Variants in PDE4D observed in about 807,000 individuals in gnomAD.
The protein encoded by PDE4D is 3',5'-cyclic-AMP phosphodiesterase 4D.
In PDE4D, 24 loss-of-function variants were observed where a neutral mutation model predicts 87.4. The ratio of observed to expected loss-of-function variants is 0.27; its 90% CI spans 0.20 to 0.39. The LOEUF (loss-of-function observed/expected upper bound fraction) is 0.39. Ranked by LOEUF, PDE4D falls within the 10% of genes least tolerant of loss-of-function variation. PDE4D has a pLI of 1.00. For missense variants in PDE4D, 714 were observed against 1,041.0 expected (o/e 0.69, Z 4.32); for synonymous variants, 384 against 383.2 (o/e 1.00, Z -0.02).
chr5:59,258,135 A>G (rs541543176), intron 1 of PDE4D, among the ~76,000 whole-genome samples: 4 of 152,112 alleles, frequency 2.6e-5, no homozygotes, highest in African/African-American at 9.6e-5. Flanking sequence ...TCTGCTGGAT[A>G]TTCAAGACCT....
intron 3 of PDE4D, among the ~76,000 whole-genome samples, chr5:59,954,659 G>A (rs1758648466): frequency 6.6e-6 from 1 of 152,260 alleles, no homozygotes; most frequent in Admixed American, 6.5e-5. Flanking sequence ...TGCCCTGAAG[G>A]TTTCCCTTCT....
At chr5:60,384,813 T>C (rs1175805531) in intron 1 of PDE4D, among the ~76,000 whole-genome samples, 3 of 152,086 alleles carry the variant, frequency 2.0e-5, no homozygotes, top group Non-Finnish European at 4.4e-5. Context: ...CTAGTCCTCT[T>C]CCCCAATGCC....
At chr5:60,199,883 G>A (rs1456928956) in intron 1 of PDE4D, among the ~76,000 whole-genome samples, 1 of 151,724 alleles carries the variant, frequency 6.6e-6, no homozygotes. Flanking sequence ...TTCCCAGCAA[G>A]AGTTGGGTGC....
chr5:59,468,945 C>G (rs953066006), intron 1 of PDE4D, among the ~76,000 whole-genome samples: 1 of 152,162 alleles, frequency 6.6e-6, no homozygotes, highest in Admixed American at 6.6e-5. Context: ...GTCTTCCTAA[C>G]TATGAGGCCT....
chr5:59,471,189 G>A (rs986696572), intron 1 of PDE4D, among the ~76,000 whole-genome samples: 3 of 152,178 alleles, frequency 2.0e-5, no homozygotes, highest in East Asian at 3.8e-4. Flanking sequence ...AGGCTACAGT[G>A]AGCCATGATC....
At chr5:60,095,652 A>G (rs1775603297) in intron 2 of PDE4D, among the ~76,000 whole-genome samples, 2 of 152,052 alleles carry the variant, frequency 1.3e-5, no homozygotes, top group Non-Finnish European at 2.9e-5. Flanking sequence ...GAATCTGTCT[A>G]TCTACAAGTT....
At chr5:59,210,365 T>C (rs533801788) in intron 2 of PDE4D, among the ~76,000 whole-genome samples, 1 of 152,308 alleles carries the variant, frequency 6.6e-6, no homozygotes, top group African/African-American at 2.4e-5. Context: ...CTGGAAGCAA[T>C]ACTACTCTTA....
chr5:59,724,133 G>T (rs1477406147), intron 1 of PDE4D, among the ~76,000 whole-genome samples: 1 of 152,028 alleles, frequency 6.6e-6, no homozygotes, highest in African/African-American at 2.4e-5. Flanking sequence ...GTCAGGTGTT[G>T]GTTGAGGTTC....
At chr5:60,100,054 A>G (rs951935006) in intron 2 of PDE4D, among the ~76,000 whole-genome samples, 6 of 152,064 alleles carry the variant, frequency 3.9e-5, no homozygotes, top group Admixed American at 3.9e-4. Context: ...ATAGTGGAAT[A>G]TTATGCAGTT....
At chr5:59,698,344 T>G (rs1170655998) in intron 1 of PDE4D, among the ~76,000 whole-genome samples, 2 of 152,040 alleles carry the variant, frequency 1.3e-5, no homozygotes, top group Non-Finnish European at 2.9e-5. Flanking sequence ...GCAGATCACA[T>G]AGTAATCATC....
intron 1 of PDE4D, among the ~76,000 whole-genome samples, chr5:59,752,716 A>T (rs1302889698): frequency 6.6e-6 from 1 of 152,164 alleles, no homozygotes; most frequent in African/African-American, 2.4e-5. Context: ...TACAATGCAC[A>T]GGAGAGCCCC....
intron 5 of PDE4D, among the ~76,000 whole-genome samples, chr5:59,132,739 G>A (rs947507375): frequency 1.3e-5 from 2 of 152,162 alleles, no homozygotes; most frequent in African/African-American, 4.8e-5. Context: ...ACTTGATTGT[G>A]GGAAGTAGCA....
At chr5:60,283,720 G>T (rs1339940917) in intron 1 of PDE4D, among the ~76,000 whole-genome samples, 1 of 152,104 alleles carries the variant, frequency 6.6e-6, no homozygotes, top group Non-Finnish European at 1.5e-5. Context: ...AAAAAATTGA[G>T]TTGATTGTTC....
chr5:59,857,129 C>T (rs1202777469), intron 1 of PDE4D, among the ~76,000 whole-genome samples: 2 of 151,494 alleles, frequency 1.3e-5, no homozygotes, highest in Non-Finnish European at 3.0e-5. Flanking sequence ...CAGCAATCAG[C>T]CGAGAGCCTA....
intron 1 of PDE4D, among the ~76,000 whole-genome samples, chr5:60,317,785 T>C (rs1308930150): frequency 6.6e-6 from 1 of 152,270 alleles, no homozygotes. Flanking sequence ...AGTTTCCATG[T>C]AGTTGTGCAG....
intron 1 of PDE4D, among the ~76,000 whole-genome samples, chr5:60,497,943 C>T (rs1749894576): frequency 6.6e-6 from 1 of 152,130 alleles, no homozygotes; most frequent in Non-Finnish European, 1.5e-5. Context: ...CAAGAAGGAA[C>T]ACTGGTTAAG....
intron 2 of PDE4D, chr5:60,032,967 T>C (rs1022143786): frequency 2.0e-5 from 3 of 152,180 alleles, no homozygotes; most frequent in Non-Finnish European, 4.4e-5. Flanking sequence ...ACGGCATCAT[T>C]CTGTGGACAA....
intron 11 of PDE4D, among the ~76,000 whole-genome samples, chr5:58,981,366 A>G (rs1344146624): frequency 2.0e-5 from 3 of 151,932 alleles, no homozygotes; most frequent in Non-Finnish European, 4.4e-5. Flanking sequence ...AGTGAAAGTA[A>G]AGTTTTTGAG....
intron 1 of PDE4D, among the ~76,000 whole-genome samples, chr5:59,816,265 G>C (rs1237964732): frequency 6.6e-6 from 1 of 152,170 alleles, no homozygotes; most frequent in Non-Finnish European, 1.5e-5. Flanking sequence ...TAAGTTATAG[G>C]AATTACTAGA....
Sources: gnomAD v4.1 joint callset for allele counts (sites outside exome capture counted in the v4.1 genomes callset) on GRCh38, gnomAD v4.1.1 for gene constraint, MANE v1.5 for transcripts, NCBI Gene and HGNC (gene_info 2026-07-23, HGNC 2026-07-21) for gene names.